The following KIAA1671 variants were observed in gnomAD, a reference collection of about 807,000 sequenced individuals.
KIAA1671 encodes KIAA1671, also known as uncharacterized protein KIAA1671.
In KIAA1671, 52 loss-of-function variants were observed where a neutral mutation model predicts 131.2. That is an observed-to-expected ratio of 0.40 (90% CI 0.32 to 0.50). KIAA1671 has a LOEUF of 0.50. KIAA1671 is among the 20% of genes least tolerant of loss of function. KIAA1671 has a pLI of 0.73. For missense variants in KIAA1671, 2,360 were observed against 2,364.2 expected (o/e 1.00, Z 0.04); for synonymous variants, 1,003 against 961.6 (o/e 1.04, Z -0.80).
chr22:25,141,517 C>T (rs1439358992), intron 6 of KIAA1671, among the ~76,000 whole-genome samples: 1 of 152,084 alleles, frequency 6.6e-6, no homozygotes, highest in Non-Finnish European at 1.5e-5. Context: ...CAGGTGTGAG[C>T]CACCACACCC....
intron 5 of KIAA1671, among the ~76,000 whole-genome samples, chr22:25,047,577 A>G (rs889337592): frequency 3.7e-4 from 56 of 151,438 alleles, no homozygotes; most frequent in Middle Eastern, 6.8e-3. Flanking sequence ...GGTTCAAGCA[A>G]TTCTCCTGCC....
intron 6 of KIAA1671, among the ~76,000 whole-genome samples, chr22:25,093,732 CACACA>C (rs1930156735): frequency 1.8e-5 from 2 of 111,524 alleles, no homozygotes; most frequent in Non-Finnish European, 1.8e-5. Context: ...CACACACACA[CACACA>C]CTCTCTCTCT....
intron 1 of KIAA1671, chr22:25,010,667 A>T (rs1369701986): frequency 1.3e-5 from 2 of 152,192 alleles, no homozygotes; most frequent in Non-Finnish European, 2.9e-5. Context: ...CACTGTGTGC[A>T]CTTAGAAGAC....
At chr22:24,984,670 T>C (rs1923420040) in intron 1 of KIAA1671, among the ~76,000 whole-genome samples, 2 of 151,738 alleles carry the variant, frequency 1.3e-5, no homozygotes, top group South Asian at 4.2e-4. Context: ...AGGTAAAACT[T>C]TGGGAGGCCG....
In KIAA1671 at chr22:25,149,662, G is replaced by A. The variant is rs570290410; in HGVS notation, c.4531-21158G>A. ...TCTTTATCGCTTTGCCCTGCCTTGGGTCAGGCCTCTGTGGCCTCTCACCTG... is the reference window on the plus strand; with the variant it reads ...TCTTTATCGCTTTGCCCTGCCTTGGATCAGGCCTCTGTGGCCTCTCACCTG... On this transcript the variant is annotated intron_variant, in intron 6 of 12. Coordinates refer to ENST00000358431, the MANE Select transcript of KIAA1671 (RefSeq NM_001145206.2). Among the ~76,000 whole-genome samples the A allele has an allele frequency of 2.6e-5, 4 of 152,174 alleles. No individual in the cohort carries two copies. The East Asian group carries it at 7.8e-4, about 30-fold the overall frequency.
intron 6 of KIAA1671, among the ~76,000 whole-genome samples, chr22:25,147,586 G>C (rs1481214398): frequency 6.6e-6 from 1 of 152,092 alleles, no homozygotes; most frequent in Admixed American, 6.6e-5. Flanking sequence ...GGTCCTCTTG[G>C]CTGAGGCCCT....
chr22:25,152,383 T>G (rs1933073700), intron 6 of KIAA1671, among the ~76,000 whole-genome samples: 1 of 152,128 alleles, frequency 6.6e-6, no homozygotes, highest in Admixed American at 6.5e-5. Context: ...TGTGAGGTGA[T>G]TAAATCACTC....
At chr22:25,136,458 G>A (rs142101379) in intron 6 of KIAA1671, among the ~76,000 whole-genome samples, 56 of 152,360 alleles carry the variant, frequency 3.7e-4, no homozygotes, top group Middle Eastern at 6.8e-3. Context: ...TCTCAAAGGG[G>A]AGAAGGGATA....
In KIAA1671 at chr22:25,086,208, CAGAG is replaced by C. The variant is rs765570452; in HGVS notation, c.4530+36847_4530+36850del. ...ATGCGAAAATGAAACTTTTCATCCT[CAGAG>C]AGCATGTCTTGTTCATCTCTGTCTC... On this transcript the variant is annotated intron_variant, in intron 6 of 12. Transcript: ENST00000358431. Among the ~76,000 whole-genome samples, 13 of 152,340 alleles carry C rather than the reference CAGAG, an allele frequency of 8.5e-5. No homozygotes were observed. The East Asian group carries it at 2.3e-3, about 27-fold the overall frequency.
intron 6 of KIAA1671, among the ~76,000 whole-genome samples, chr22:25,083,293 A>G (rs553377336): frequency 6.6e-6 from 1 of 152,130 alleles, no homozygotes; most frequent in African/African-American, 2.4e-5. Flanking sequence ...ATTTCCTCTA[A>G]TGACGTTAAC....
intron 6 of KIAA1671, among the ~76,000 whole-genome samples, chr22:25,093,523 T>C (rs1243262983): frequency 6.6e-6 from 1 of 152,142 alleles, no homozygotes; most frequent in East Asian, 1.9e-4. Context: ...CTGCACAGTG[T>C]GTTCAATTGC....
rs139384159 is a variant in KIAA1671 at position 25,114,465 on chromosome 22, T to C, written c.4531-56355T>C. Among the ~76,000 whole-genome samples the C allele has an allele frequency of 7.2e-5, 11 of 152,356 alleles. No individual in the cohort carries two copies. The East Asian group carries it at 2.1e-3, about 29-fold the overall frequency. On this transcript the variant is annotated intron_variant, in intron 6 of 12. Coordinates refer to ENST00000358431, the MANE Select transcript of KIAA1671 (RefSeq NM_001145206.2). Reference sequence around the variant, plus strand: ...AAGGCAGAGTTAGGATAGGAACATGTGCAGTGTTGCAGATAAGTCAACGAA... The same window carrying C: ...AAGGCAGAGTTAGGATAGGAACATGCGCAGTGTTGCAGATAAGTCAACGAA...
chr22:25,004,893 C>T (rs962608173), intron 1 of KIAA1671, among the ~76,000 whole-genome samples: 19 of 151,290 alleles, frequency 1.3e-4, no homozygotes, highest in Admixed American at 6.6e-5. Context: ...TTGCAGTGAG[C>T]TGAGATGGCA....
chr22:25,158,491 G>T (rs1302463547), intron 6 of KIAA1671, among the ~76,000 whole-genome samples: 1 of 152,150 alleles, frequency 6.6e-6, no homozygotes, highest in East Asian at 1.9e-4. Context: ...GGGGTCCTAA[G>T]AACCCACCTG....
chr22:24,959,360 A>T (rs1399293408), intron 1 of KIAA1671, among the ~76,000 whole-genome samples: 1 of 151,658 alleles, frequency 6.6e-6, no homozygotes, highest in East Asian at 1.9e-4. Flanking sequence ...AAATAAAAAT[A>T]AAATTAAAAA....
intron 6 of KIAA1671, among the ~76,000 whole-genome samples, chr22:25,127,505 C>G (rs925176733): frequency 6.6e-6 from 1 of 152,172 alleles, no homozygotes; most frequent in Non-Finnish European, 1.5e-5. Context: ...CTCTTCTTCC[C>G]GGCCTCTTTT....
chr22:24,977,360 T>C (rs1018853428), intron 1 of KIAA1671, among the ~76,000 whole-genome samples: 2 of 152,198 alleles, frequency 1.3e-5, no homozygotes, highest in African/African-American at 4.8e-5. Context: ...CCTGTTACCA[T>C]GCGCTGTTGT....
chr22:25,052,314 T>G (rs80120396), intron 6 of KIAA1671: 2,334 of 152,378 alleles, frequency 0.015, 30 homozygotes, highest in Middle Eastern at 0.041. Context: ...GCCAGGCCAA[T>G]GCCCTGCTGA....
chr22:25,027,599 C>A (rs924419152), intron 2 of KIAA1671, among the ~76,000 whole-genome samples: 1 of 152,182 alleles, frequency 6.6e-6, no homozygotes, highest in African/African-American at 2.4e-5. Context: ...AGTTACTTGG[C>A]CTCTCTGAGC....
Sources: allele counts gnomAD v4.1 joint callset (sites outside exome capture counted in the v4.1 genomes callset), GRCh38; gene constraint gnomAD v4.1.1; transcripts MANE v1.5; gene names NCBI Gene and HGNC (gene_info 2026-07-23, HGNC 2026-07-21).